The following EPHA4 variants were observed in gnomAD, a reference collection of about 807,000 sequenced individuals.
EPHA4 encodes the protein ephrin type-A receptor 4.
In EPHA4, 19 loss-of-function variants were observed where a neutral mutation model predicts 108.3. That is an observed-to-expected ratio of 0.18 (90% CI 0.12 to 0.26). The LOEUF is 0.26. Among genes scored for constraint, EPHA4 ranks in the 10% least tolerant of loss-of-function variants. EPHA4 has a pLI of 1.00. For missense variants in EPHA4, 917 were observed against 1,254.0 expected, an observed-to-expected ratio of 0.73 and a Z score of 4.06; for synonymous variants, 449 against 455.5, an observed-to-expected ratio of 0.99 and a Z score of 0.18.
chr2:221,431,119 A>G (rs1690063842), intron 14 of EPHA4, among the ~76,000 whole-genome samples: 1 of 152,224 alleles, frequency 6.6e-6, no homozygotes, highest in Non-Finnish European at 1.5e-5. Context: ...AAATTTATAG[A>G]GGAGAACTAC....
chr2:221,426,888 G>C (rs922151914), intron 15 of EPHA4, among the ~76,000 whole-genome samples: 1 of 152,182 alleles, frequency 6.6e-6, no homozygotes, highest in Non-Finnish European at 1.5e-5. Context: ...GCTCATAGCA[G>C]GTCTTTTAAC....
chr2:221,465,015 T>C (rs1202665565), intron 5 of EPHA4, among the ~76,000 whole-genome samples: 1 of 152,192 alleles, frequency 6.6e-6, no homozygotes, highest in East Asian at 1.9e-4. Context: ...TTCATATTTA[T>C]TAAGCTTAAA....
In EPHA4 at chr2:221,514,095, AGGG is replaced by A. The variant is rs1491317879; in HGVS notation, c.824-12926_824-12924del. On this transcript the variant is annotated intron_variant, in intron 3 of 17. Transcript: ENST00000281821. ...AGTTATACTCCTGTAAGCCGGGGGGAGGGGGTTTGAAAATCTACTTAATGCATT... is the reference window on the plus strand; with the variant it reads ...AGTTATACTCCTGTAAGCCGGGGGGAGGTTTGAAAATCTACTTAATGCATT... 7.6e-3 allele frequency among the ~76,000 whole-genome samples: 785 copies of A among 103,576 alleles called. 9 individuals carry two copies. Among genetic ancestry groups the A allele is most frequent in the African/African-American group, 0.041 (748 of 18,048 alleles). The allele number at this position is 103,576 out of a possible 152,430, so 67.9% of individuals were successfully genotyped here.
intron 3 of EPHA4, among the ~76,000 whole-genome samples, chr2:221,527,307 C>T (rs1375220317): frequency 6.6e-6 from 1 of 152,126 alleles, no homozygotes; most frequent in African/African-American, 2.4e-5. Flanking sequence ...TGATTAATGT[C>T]CACGTGCACA....
chr2:221,445,342 C>T (rs369140266), intron 9 of EPHA4, among the ~76,000 whole-genome samples: 10 of 152,116 alleles, frequency 6.6e-5, no homozygotes, highest in Non-Finnish European at 1.2e-4. Context: ...GTAATCCCAG[C>T]GCTTTGGGAG....
intron 4 of EPHA4, among the ~76,000 whole-genome samples, chr2:221,483,881 A>T (rs1250084754): frequency 6.6e-6 from 1 of 152,048 alleles, no homozygotes; most frequent in Non-Finnish European, 1.5e-5. Context: ...AGGGAGAGGG[A>T]ATTTTCTTGG....
chr2:221,424,119 G>A (rs1298216372), intron 17 of EPHA4, among the ~76,000 whole-genome samples: 2 of 145,632 alleles, frequency 1.4e-5, no homozygotes, highest in Non-Finnish European at 3.0e-5. Context: ...GTCTCAAATA[G>A]TAATAATAAT....
chr2:221,426,522 C>T lies in EPHA4; in HGVS notation c.2788G>A (p.Asp930Asn), dbSNP rs781538913. The change falls in exon 16 of 18, where the codon GAT becomes AAT. Residue 930 changes from aspartate (D) to asparagine (N), a missense_variant. Coordinates refer to ENST00000281821, the MANE Select transcript of EPHA4 (RefSeq NM_004438.5). ...LQAIKMDRYK[D>N]NFTAAGYTTL... ...GTATAACCAGCAGCTGTGAAGTTAT[C>T]CTTATACCGGTCCATTTTAATGGCC... 5.6e-5 allele frequency: 90 copies of T among 1,613,944 alleles called. No individual in the cohort carries two copies. The highest frequency in any genetic ancestry group is 7.5e-5 in the Non-Finnish European group (88 of 1,180,010).
chr2:221,471,527 G>A (rs533601894), intron 5 of EPHA4, among the ~76,000 whole-genome samples: 17 of 152,272 alleles, frequency 1.1e-4, no homozygotes, highest in African/African-American at 4.1e-4. Context: ...TGTGTTTTCT[G>A]AAATAGGTAG....
chr2:221,493,772 G>A (rs1467885287), intron 4 of EPHA4, among the ~76,000 whole-genome samples: 1 of 152,218 alleles, frequency 6.6e-6, no homozygotes. Flanking sequence ...GACAAAGTAA[G>A]TGATGTTTGT....
At chr2:221,514,181 G>A (rs998998762) in intron 3 of EPHA4, among the ~76,000 whole-genome samples, 8 of 151,900 alleles carry the variant, frequency 5.3e-5, no homozygotes, top group Non-Finnish European at 8.8e-5. Context: ...ATCGGCAGCC[G>A]AAATACACAG....
chr2:221,521,109 A>G (rs1031863817), intron 3 of EPHA4, among the ~76,000 whole-genome samples: 4 of 152,220 alleles, frequency 2.6e-5, no homozygotes, highest in African/African-American at 7.2e-5. Context: ...CTTGGACCAT[A>G]TAGTGTTAAC....
chr2:221,538,652 G>C (rs1041623028), intron 3 of EPHA4, among the ~76,000 whole-genome samples: 20 of 152,130 alleles, frequency 1.3e-4, no homozygotes, highest in Non-Finnish European at 2.6e-4. Context: ...GAAAGTTGAA[G>C]TCACTCTTTG....
At chr2:221,459,491 T>C (rs1691074992) in intron 5 of EPHA4, among the ~76,000 whole-genome samples, 1 of 151,664 alleles carries the variant, frequency 6.6e-6, no homozygotes, top group Non-Finnish European at 1.5e-5. Flanking sequence ...CCACTGAACA[T>C]CTGAGGAAAA....
chr2:221,508,833 C>A (rs1360669959), intron 3 of EPHA4, among the ~76,000 whole-genome samples: 3 of 152,164 alleles, frequency 2.0e-5, no homozygotes, highest in Non-Finnish European at 4.4e-5. Flanking sequence ...ACTTACCAAA[C>A]TAATACTGTC....
intron 4 of EPHA4, among the ~76,000 whole-genome samples, chr2:221,498,816 A>G (rs1692386164): frequency 7.0e-6 from 1 of 142,030 alleles, no homozygotes; most frequent in Non-Finnish European, 1.5e-5. Flanking sequence ...TTGAGACGAC[A>G]GAGTTTCCTC....
At chr2:221,567,011 A>AGAAGAAGAAGAAGAAGGAGAAGAAG in intron 2 of EPHA4, among the ~76,000 whole-genome samples, 1 of 118,056 alleles carries the variant, frequency 8.5e-6, no homozygotes, top group Non-Finnish European at 2.0e-5. Flanking sequence ...AAGAAGAAGA[A>AGAAGAAGAAGAAGAAGGAGAAGAAG]AAAAATGTCT....
At chr2:221,430,468 C>A (rs1239590503) in intron 14 of EPHA4, among the ~76,000 whole-genome samples, 1 of 152,128 alleles carries the variant, frequency 6.6e-6, no homozygotes, top group Non-Finnish European at 1.5e-5. Flanking sequence ...TGCCCCCTGC[C>A]CCCTGCCTCC....
chr2:221,533,739 A>G (rs1312516491), intron 3 of EPHA4, among the ~76,000 whole-genome samples: 1 of 150,640 alleles, frequency 6.6e-6, no homozygotes, highest in East Asian at 1.9e-4. Flanking sequence ...AAAAAAAAAA[A>G]AAAAAAAAAA....
Sources: gnomAD v4.1 joint callset for allele counts (sites outside exome capture counted in the v4.1 genomes callset) on GRCh38, gnomAD v4.1.1 for gene constraint, MANE v1.5 for transcripts, NCBI Gene and HGNC (gene_info 2026-07-23, HGNC 2026-07-21) for gene names.